The following ADGRF3 variants were observed in gnomAD, a reference collection of about 807,000 sequenced individuals.
ADGRF3 encodes G protein-coupled receptor 113.
In ADGRF3, 85 loss-of-function variants were observed where a neutral mutation model predicts 93.2. The observed-to-expected ratio is 0.91, with a 90% confidence interval of 0.77 to 1.09. The LOEUF (loss-of-function observed/expected upper bound fraction) is 1.09, where lower values mean the gene tolerates loss of function less well. Among genes scored for constraint, ADGRF3 ranks in the 50% least tolerant of loss-of-function variants. The pLI is 0.00. For missense variants in ADGRF3, 1,125 were observed against 1,246.2 expected, an observed-to-expected ratio of 0.90 and a Z score of 1.46; for synonymous variants, 534 against 532.5, an observed-to-expected ratio of 1.00 and a Z score of -0.04.
Position 26,314,435 on chromosome 2 carries a change from T to C in ADGRF3, c.907A>G (p.Ser303Gly). Reference sequence around the variant, plus strand: ...ATACCTTTGCTGCCCTCTCCAGGGCTCCAGGCCGCGGTGTAGGCCAGGTTT... The same window carrying C: ...ATACCTTTGCTGCCCTCTCCAGGGCCCCAGGCCGCGGTGTAGGCCAGGTTT... Reference protein sequence around the residue: ...STNLAYTAAWSPGEGSKASSF... With the variant: ...STNLAYTAAWGPGEGSKASSF... Residue 303 changes from serine to glycine, a missense_variant, in exon 6 of 14, where the codon AGC (serine) becomes GGC (glycine). Transcript: ENST00000651242. 6.2e-7 allele frequency: 1 copy of C among 1,613,782 alleles called. No homozygotes were observed. The highest frequency in any genetic ancestry group is 1.1e-5 in the South Asian group (1 of 91,060).
chr2:26,312,850 A>G, intron 9 of ADGRF3, 93 bp downstream of exon 9: 1 of 1,220,484 alleles, frequency 8.2e-7, no homozygotes, highest in Non-Finnish European at 1.1e-6. Context: ...CCAACAGCCC[A>G]TGGTGACATC....
intron 1 of ADGRF3, among the ~76,000 whole-genome samples, chr2:26,343,600 C>G (rs1251775239): frequency 6.6e-6 from 1 of 152,054 alleles, no homozygotes; most frequent in Non-Finnish European, 1.5e-5. Context: ...CCACCACGCC[C>G]GGCTAATTTT....
At chr2:26,331,265 G>A (rs1675750803) in intron 1 of ADGRF3, among the ~76,000 whole-genome samples, 1 of 152,140 alleles carries the variant, frequency 6.6e-6, no homozygotes, top group Non-Finnish European at 1.5e-5. Flanking sequence ...TAATAAAAAA[G>A]TATGTGTGGC....
rs1674207810 is a variant in ADGRF3 at position 26,312,061 on chromosome 2, G to T, written c.1463C>A (p.Ala488Asp). The T allele has an allele frequency of 1.2e-6, 2 of 1,607,052 alleles. No homozygotes were observed. The highest frequency in any genetic ancestry group is 2.2e-5 in the South Asian group (2 of 90,744). The change falls in exon 10 of 14, where the codon GCC becomes GAC. Residue 488 changes from alanine (A) to aspartate (D), a missense_variant. By Grantham distance (126) the Ala-to-Asp change is moderately radical. Coordinates refer to ENST00000651242, the MANE Select transcript of ADGRF3 (RefSeq NM_001321971.2). ...GTCCATATCTAGGACCTTGTCTGTG[G>T]CAATCAGGAGATTCTGCAGCACCCA... ...DRRALKNLLI[A>D]TDKVLDMDTR...
chr2:26,313,678 G>A, intron 7 of ADGRF3, 82 bp downstream of exon 7: 1 of 1,581,474 alleles, frequency 6.3e-7, no homozygotes, highest in Non-Finnish European at 8.6e-7. Flanking sequence ...GTTGCCCAGG[G>A]CAGAGACGTG....
At chr2:26,329,168 C>T (rs1208701420) in intron 1 of ADGRF3, among the ~76,000 whole-genome samples, 1 of 152,242 alleles carries the variant, frequency 6.6e-6, no homozygotes, top group Non-Finnish European at 1.5e-5. Flanking sequence ...CAGGGTCTCA[C>T]TCTGTTGCCC....
At position 26,310,090 on chromosome 2, in the gene ADGRF3, G is replaced by A. The variant is rs147164883; in HGVS notation, c.2890C>T (p.Arg964Cys). ...LMDRKIQEAL[R>C]KRFCRAQAPS... ...GCTTGGGCGCGGCAGAAGCGTTTGCGCAAAGCTTCTTGTATCTGCGGGAGA... is the reference window on the plus strand; with the variant it reads ...GCTTGGGCGCGGCAGAAGCGTTTGCACAAAGCTTCTTGTATCTGCGGGAGA... Residue 964 changes from arginine to cysteine, a missense_variant, in exon 12 of 14, where the codon CGC (arginine) becomes TGC (cysteine). Physicochemically the swap from Arg to Cys is radical, Grantham distance 180. Coordinates refer to ENST00000651242, the MANE Select transcript of ADGRF3 (RefSeq NM_001321971.2). 3.8e-5 allele frequency: 61 copies of A among 1,614,024 alleles called. No homozygotes were observed. In the African/African-American group the frequency reaches 6.7e-4, roughly 18 times the overall value.
rs536913027 is a variant in ADGRF3 at position 26,335,398 on chromosome 2, GAC to G, written c.114+10721_114+10722del. On this transcript the variant is annotated intron_variant, in intron 1 of 13. Transcript: ENST00000651242. ...CTTTTTGTGGCTGAACAGTTGCATG[GAC>G]ACACACATTTTATTTATCCATTCAG... 1.3e-4 allele frequency among the ~76,000 whole-genome samples: 20 copies of G among 152,280 alleles called. No individual in the cohort carries two copies. In the South Asian group the frequency reaches 2.3e-3, roughly 17 times the overall value.
In ADGRF3 at chr2:26,312,090, GA is replaced by G; in HGVS notation, c.1450-17del. The G allele has an allele frequency of 8.8e-6, 14 of 1,592,168 alleles. No individual in the cohort carries two copies. Among genetic ancestry groups the G allele is most frequent in the Non-Finnish European group, 1.2e-5 (14 of 1,172,204 alleles). ...TCAGGAGATTCTGCAGCACCCAAAA[GA>G]AAGATGAACCCCGTCTGCTGGCGCC... On this transcript the variant is annotated splice_polypyrimidine_tract_variant and intron_variant, in intron 9 of 13. Coordinates refer to ENST00000651242, the MANE Select transcript of ADGRF3 (RefSeq NM_001321971.2).
In ADGRF3 at chr2:26,312,914, T is replaced by C. The variant is rs752475823; in HGVS notation, c.1449+29A>G. The C allele has an allele frequency of 1.9e-6, 3 of 1,577,764 alleles. No homozygotes were observed. In the Admixed American group the frequency reaches 5.5e-5, roughly 29 times the overall value. ...AGTCTTCAGCCCCCGACTGCCCAGC[T>C]GGCCCCCACTGTGGCTCAGAGATCT... On this transcript the variant is annotated intron_variant, in intron 9 of 13. Transcript: ENST00000651242.
chr2:26,313,420 C>T lies in ADGRF3; in HGVS notation c.1226G>A (p.Ser409Asn), dbSNP rs796155473. ...GGCCAGGAGCCTCGCATCTGTGCAG[C>T]TGCTGTGGACCGGCCCCCAGACTCC... The part of the protein sequence containing the change: ...ADGVWGPVHS[S>N]CTDARLLALF... The change falls in exon 8 of 14, where the codon AGC becomes AAC. Residue 409 changes from serine to asparagine, a missense_variant. Ser to Asn is a conservative substitution (Grantham distance 46, BLOSUM62 1). Transcript: ENST00000651242. 1.2e-6 allele frequency: 2 copies of T among 1,608,032 alleles called. No individual in the cohort carries two copies. The highest frequency in any genetic ancestry group is 1.7e-6 in the Non-Finnish European group (2 of 1,177,444).
At chr2:26,324,748 T>C (rs532393358) in intron 1 of ADGRF3, among the ~76,000 whole-genome samples, 1 of 152,364 alleles carries the variant, frequency 6.6e-6, no homozygotes, top group South Asian at 2.1e-4. Flanking sequence ...GTTGATTACA[T>C]GTTTTTGCTA....
At position 26,340,739 on chromosome 2, in the gene ADGRF3, C is replaced by A. The variant is rs549274685; in HGVS notation, c.114+5382G>T. 5.3e-5 allele frequency among the ~76,000 whole-genome samples: 8 copies of A among 152,278 alleles called. No homozygotes were observed. The East Asian group carries it at 1.5e-3, about 29-fold the overall frequency. On this transcript the variant is annotated intron_variant, in intron 1 of 13. Transcript: ENST00000651242. ...TGTGTGTGTGGGAGAGGTATTAATT[C>A]TTCCTCCATTCATAGAATACAGATG...
At chr2:26,315,174 G>T (rs1417117361) in intron 5 of ADGRF3, among the ~76,000 whole-genome samples, 1 of 152,194 alleles carries the variant, frequency 6.6e-6, no homozygotes, top group Non-Finnish European at 1.5e-5. Flanking sequence ...ACACCTGAGG[G>T]AGTGGGAGTG....
chr2:26,340,802 A>C (rs1335846370), intron 1 of ADGRF3, among the ~76,000 whole-genome samples: 2 of 152,220 alleles, frequency 1.3e-5, no homozygotes, highest in African/African-American at 4.8e-5. Flanking sequence ...GATGAAAATA[A>C]GACTTTGCCC....
At chr2:26,320,003 T>C (rs989185632) in intron 1 of ADGRF3, among the ~76,000 whole-genome samples, 1 of 152,216 alleles carries the variant, frequency 6.6e-6, no homozygotes, top group Non-Finnish European at 1.5e-5. Flanking sequence ...ATAATACTGG[T>C]TTTTTATGTA....
At chr2:26,338,639 T>C (rs560700091) in intron 1 of ADGRF3, among the ~76,000 whole-genome samples, 2 of 152,194 alleles carry the variant, frequency 1.3e-5, no homozygotes, top group Admixed American at 1.3e-4. Flanking sequence ...ATTTTGTATT[T>C]TTAGTAGAGA....
At chr2:26,326,413 G>A (rs1282562491) in intron 1 of ADGRF3, among the ~76,000 whole-genome samples, 2 of 152,176 alleles carry the variant, frequency 1.3e-5, no homozygotes, top group Non-Finnish European at 2.9e-5. Flanking sequence ...AGAGGGAACA[G>A]AAAATATATC....
At chr2:26,345,063 C>G (rs1472061530) in intron 1 of ADGRF3, among the ~76,000 whole-genome samples, 1 of 152,116 alleles carries the variant, frequency 6.6e-6, no homozygotes, top group East Asian at 1.9e-4. Context: ...AGTGGTTTCC[C>G]ATAACACAGA....
Sources: gnomAD v4.1 joint callset for allele counts (sites outside exome capture counted in the v4.1 genomes callset) on GRCh38, gnomAD v4.1.1 for gene constraint, MANE v1.5 for transcripts, NCBI Gene and HGNC (gene_info 2026-07-23, HGNC 2026-07-21) for gene names.